ZNF385D: variants seen among roughly 807,000 people sequenced by gnomAD.
ZNF385D encodes zinc finger protein 385D, also known as zinc finger protein 659.
In ZNF385D, 15 loss-of-function variants were observed where a neutral mutation model predicts 35.8. That is an observed-to-expected ratio of 0.42 (90% confidence interval 0.28 to 0.64). ZNF385D has a LOEUF of 0.64. ZNF385D is among the 30% of genes least tolerant of loss of function. ZNF385D has a pLI of 0.23. For missense variants in ZNF385D, 474 were observed against 494.6 expected (o/e 0.96, Z 0.39); for synonymous variants, 212 against 186.8 (o/e 1.13, Z -1.10).
chr3:22,122,284 G>A (rs951415776), intron 3 of ZNF385D, among the ~76,000 whole-genome samples: 16 of 151,960 alleles, frequency 1.1e-4, no homozygotes, highest in African/African-American at 3.6e-4. Context: ...ACCTGCATTC[G>A]GCTGAAGTCA....
At chr3:21,495,434 C>T (rs1469292795) in intron 4 of ZNF385D, among the ~76,000 whole-genome samples, 1 of 152,070 alleles carries the variant, frequency 6.6e-6, no homozygotes, top group Non-Finnish European at 1.5e-5. Context: ...GGAAATTAAA[C>T]ACCCTGCTCC....
At chr3:22,197,986 G>T (rs1016596201) in intron 2 of ZNF385D, among the ~76,000 whole-genome samples, 3 of 152,020 alleles carry the variant, frequency 2.0e-5, no homozygotes, top group African/African-American at 7.2e-5. Context: ...GTTAGAAGGC[G>T]ATGTCCCCTT....
chr3:22,289,990 CT>C (rs1387493918), intron 2 of ZNF385D, among the ~76,000 whole-genome samples: 1 of 152,122 alleles, frequency 6.6e-6, no homozygotes, highest in Non-Finnish European at 1.5e-5. Flanking sequence ...AAACTGGAAG[CT>C]TTGAGTTTTA....
intron 2 of ZNF385D, among the ~76,000 whole-genome samples, chr3:22,267,997 A>C (rs1700981644): frequency 6.6e-6 from 1 of 152,012 alleles, no homozygotes. Flanking sequence ...TAACTGAAAG[A>C]AAGCAAATAT....
At chr3:22,300,949 G>A (rs1192452105) in intron 2 of ZNF385D, among the ~76,000 whole-genome samples, 1 of 151,952 alleles carries the variant, frequency 6.6e-6, no homozygotes, top group Admixed American at 6.6e-5. Context: ...ATATCCAAAG[G>A]AATTGAAATC....
In ZNF385D at chr3:21,627,052, G is replaced by GT. The variant is rs1025007613; in HGVS notation, c.165+37833dup. Reference sequence around the variant, plus strand: ...TTTTTTTTGGACAATTTAGGGAGGTGTTTTTTTTTTTCTCCTACACAACTA... The same window carrying GT: ...TTTTTTTTGGACAATTTAGGGAGGTGTTTTTTTTTTTTCTCCTACACAACTA... On this transcript the variant is annotated intron_variant, in intron 2 of 7. Coordinates refer to ENST00000281523, the MANE Select transcript of ZNF385D (RefSeq NM_024697.3). 6.8e-3 allele frequency among the ~76,000 whole-genome samples: 980 copies of GT among 144,174 alleles called. 13 individuals carry two copies. Among genetic ancestry groups the GT allele is most frequent in the African/African-American group, 0.023 (892 of 39,614 alleles). 94.6% of individuals were successfully genotyped at this position (144,174 alleles called of 152,430 possible). A position where few individuals can be genotyped will look rare whatever the true frequency, so the allele number is the denominator to read the frequency against.
intron 3 of ZNF385D, among the ~76,000 whole-genome samples, chr3:21,868,907 G>A (rs1371929257): frequency 6.6e-6 from 1 of 151,960 alleles, no homozygotes; most frequent in Non-Finnish European, 1.5e-5. Context: ...TCCTGAATTA[G>A]ACCCTATTTT....
chr3:21,598,797 G>C (rs2064198586), intron 2 of ZNF385D, among the ~76,000 whole-genome samples: 1 of 152,164 alleles, frequency 6.6e-6, no homozygotes, highest in Non-Finnish European at 1.5e-5. Flanking sequence ...CACGACATAT[G>C]TTCTCATGAC....
At chr3:21,977,781 G>A (rs1438859308) in intron 3 of ZNF385D, among the ~76,000 whole-genome samples, 2 of 151,918 alleles carry the variant, frequency 1.3e-5, no homozygotes, top group African/African-American at 2.4e-5. Context: ...GGTTACGGTG[G>A]GCCATGATCA....
intron 2 of ZNF385D, among the ~76,000 whole-genome samples, chr3:21,651,650 C>T (rs554440917): frequency 8.6e-5 from 13 of 151,606 alleles, no homozygotes; most frequent in Admixed American, 7.9e-4. Context: ...TCTGTTCTGC[C>T]GATTTTAAAT....
chr3:22,026,048 G>A (rs540591597), intron 3 of ZNF385D, among the ~76,000 whole-genome samples: 196 of 152,238 alleles, frequency 1.3e-3, no homozygotes, highest in African/African-American at 4.4e-3. Flanking sequence ...GCTGACTCGA[G>A]TAGAGCTCTG....
chr3:22,336,959 G>C (rs960106821), intron 2 of ZNF385D, among the ~76,000 whole-genome samples: 1 of 116,496 alleles, frequency 8.6e-6, no homozygotes, highest in African/African-American at 3.2e-5. Context: ...AGTGAGGAGA[G>C]AATATTTTAT....
At chr3:21,695,819 G>GC (rs1411056108) in intron 1 of ZNF385D, among the ~76,000 whole-genome samples, 4 of 151,652 alleles carry the variant, frequency 2.6e-5, no homozygotes, top group Non-Finnish European at 4.4e-5. Context: ...GCATTCCCTT[G>GC]TCATTTTAAT....
intron 3 of ZNF385D, among the ~76,000 whole-genome samples, chr3:21,851,105 G>T (rs1210189719): frequency 6.6e-6 from 1 of 151,378 alleles, no homozygotes; most frequent in Non-Finnish European, 1.5e-5. Context: ...AAAATTTTAA[G>T]AAAACATAAA....
chr3:21,946,748 C>A (rs1701807572), intron 3 of ZNF385D, among the ~76,000 whole-genome samples: 3 of 152,218 alleles, frequency 2.0e-5, no homozygotes, highest in Admixed American at 1.3e-4. Context: ...AGGAGAAACA[C>A]TTGAACCCAA....
intron 2 of ZNF385D, among the ~76,000 whole-genome samples, chr3:21,662,667 T>A (rs143777966): frequency 3.7e-4 from 57 of 152,252 alleles, no homozygotes; most frequent in African/African-American, 1.3e-3. Flanking sequence ...TGGCTATACC[T>A]TGACCATCAC....
intron 3 of ZNF385D, among the ~76,000 whole-genome samples, chr3:21,524,664 G>T (rs1335481090): frequency 6.6e-6 from 1 of 152,130 alleles, no homozygotes; most frequent in East Asian, 1.9e-4. Context: ...AGCAAGAGGG[G>T]ATTCGTAAAG....
At chr3:22,229,821 G>A (rs1010570858) in intron 2 of ZNF385D, among the ~76,000 whole-genome samples, 3 of 152,022 alleles carry the variant, frequency 2.0e-5, no homozygotes, top group Non-Finnish European at 4.4e-5. Flanking sequence ...GGGCAATGCT[G>A]CTTATCCCGT....
intron 2 of ZNF385D, among the ~76,000 whole-genome samples, chr3:21,591,511 ATAAT>A (rs375200602): frequency 1.4e-4 from 21 of 152,292 alleles, no homozygotes; most frequent in South Asian, 8.3e-4. Context: ...AATTACTATA[ATAAT>A]TAATGTTGTT....
Sources: allele counts gnomAD v4.1 joint callset (sites outside exome capture counted in the v4.1 genomes callset), GRCh38; gene constraint gnomAD v4.1.1; transcripts MANE v1.5; gene names NCBI Gene and HGNC (gene_info 2026-07-23, HGNC 2026-07-21).